Variants in SBK1 observed in about 807,000 individuals in gnomAD.
The protein encoded by SBK1 is SH3 domain binding kinase 1, also known as serine/threonine-protein kinase SBK1.
In SBK1, 11 loss-of-function variants were observed where a neutral mutation model predicts 24.4. The observed-to-expected ratio is 0.45, with a 90% confidence interval of 0.28 to 0.75. The LOEUF (loss-of-function observed/expected upper bound fraction) is 0.75, where lower values mean the gene tolerates loss of function less well. SBK1 is among the 30% of genes least tolerant of loss of function. The probability of loss-of-function intolerance (pLI) is 0.12; values close to 1 mark genes in which losing one functional copy is unlikely to be tolerated. For missense variants in SBK1, 467 were observed against 620.5 expected, an observed-to-expected ratio of 0.75 and a Z score of 2.63; for synonymous variants, 308 against 284.4, an observed-to-expected ratio of 1.08 and a Z score of -0.83.
chr16:28,299,979 A>G lies in SBK1; in HGVS notation c.-8+6679A>G, dbSNP rs73533447. On this transcript the variant is annotated intron_variant, in intron 1 of 3. Transcript: ENST00000341901. ...GGAGAGCCCGCCCACCACAATGCCT[A>G]TGTGCATGCAGCCTTCTCCATGGGC... 4.3e-3 allele frequency among the ~76,000 whole-genome samples: 656 copies of G among 152,294 alleles called. 3 individuals carry two copies. Among genetic ancestry groups the G allele is most frequent in the African/African-American group, 0.015 (635 of 41,564 alleles).
chr16:28,301,385 C>G (rs993234182), intron 1 of SBK1, among the ~76,000 whole-genome samples: 1 of 152,184 alleles, frequency 6.6e-6, no homozygotes, highest in African/African-American at 2.4e-5. Flanking sequence ...AAAGATGTGC[C>G]CCGAGAAGGG....
Position 28,259,573 on chromosome 16 carries a change from C to A in SBK1, c.257+71C>A. On this transcript the variant is annotated intron_variant, in intron 1 of 3. Transcript: ENST00000671413. This position sits in a 1 kb window ranked among gnomAD's most constrained non-coding sequence, Gnocchi z 6.0. Reference sequence around the variant, plus strand: ...GCGCTCGACCCAGGGTGCCTGTGGGCCTGGCAGTCTTGCTTCAAGTCAATC... The same window carrying A: ...GCGCTCGACCCAGGGTGCCTGTGGGACTGGCAGTCTTGCTTCAAGTCAATC... 1 of 341,690 alleles carries A rather than the reference C, an allele frequency of 2.9e-6. No homozygotes were observed. Among genetic ancestry groups the A allele is most frequent in the Non-Finnish European group, 4.1e-6 (1 of 241,526 alleles). 21.2% of individuals were successfully genotyped at this position (341,690 alleles called of 1,614,324 possible).
intron 1 of SBK1, among the ~76,000 whole-genome samples, chr16:28,304,183 T>C (rs988416623): frequency 4.6e-5 from 7 of 152,180 alleles, no homozygotes; most frequent in Admixed American, 3.9e-4. Context: ...CAGAGTTTGG[T>C]CAAATGAATG....
rs72791861 is a variant in SBK1, at chr16:28,317,994, G to A, written c.226+377G>A. Among the ~76,000 whole-genome samples the A allele has an allele frequency of 9.7e-3, 1,471 of 152,240 alleles. 14 individuals are homozygous for A. Among genetic ancestry groups the A allele is most frequent in the Non-Finnish European group, 0.014 (934 of 67,990 alleles). On this transcript the variant is annotated intron_variant, in intron 2 of 3. Coordinates refer to ENST00000341901, the MANE Select transcript of SBK1 (RefSeq NM_001024401.3). The surrounding 1 kb of genome is among the most constrained non-coding windows in gnomAD (Gnocchi z 4.2). ...CTGGCCCCAGGAAGGTGGATGGAGA[G>A]TGAGGGTGGTTCCTCAGGAACAGGG...
intron 1 of SBK1, among the ~76,000 whole-genome samples, chr16:28,277,238 G>A (rs993711963): frequency 6.6e-6 from 1 of 152,040 alleles, no homozygotes; most frequent in African/African-American, 2.4e-5. Flanking sequence ...ACTTAAAGAT[G>A]GTGAGAGAGG....
At chr16:28,299,966 C>T (rs1267982872) in intron 1 of SBK1, among the ~76,000 whole-genome samples, 1 of 152,244 alleles carries the variant, frequency 6.6e-6, no homozygotes, top group African/African-American at 2.4e-5. Flanking sequence ...AGAGCCCGCC[C>T]ACCACAATGC....
intron 1 of SBK1, among the ~76,000 whole-genome samples, chr16:28,294,048 C>T (rs2044621546): frequency 6.6e-6 from 1 of 152,112 alleles, no homozygotes; most frequent in African/African-American, 2.4e-5. Flanking sequence ...AAGTCTTTCC[C>T]TTCCCCTCCT....
intron 1 of SBK1, among the ~76,000 whole-genome samples, chr16:28,303,454 A>G (rs2044692971): frequency 6.6e-6 from 1 of 150,952 alleles, no homozygotes. Flanking sequence ...ACAAATGAGA[A>G]ACCTGTTCTT....
intron 1 of SBK1, among the ~76,000 whole-genome samples, chr16:28,280,149 A>ATGTGTGTGGGTGTGTGTGTGTGTGTG (rs2044523003): frequency 2.5e-5 from 1 of 39,414 alleles, no homozygotes; most frequent in Non-Finnish European, 5.4e-5. Context: ...ATATATATAT[A>ATGTGTGTGGGTGTGTGTGTGTGTGTG]TGTGTGTGTG....
Position 28,302,968 on chromosome 16 carries a change from G to T in SBK1, c.-8+9668G>T, listed in dbSNP as rs572701524. ...AAAAAATAGAGCAGGGCATGGGGGG[G>T]GGTCAGGAGTGCAGTAGGGCAATCC... On this transcript the variant is annotated intron_variant, in intron 1 of 3. Transcript: ENST00000341901. 2.5e-3 allele frequency among the ~76,000 whole-genome samples: 376 copies of T among 151,880 alleles called. 3 individuals carry two copies. Among genetic ancestry groups the T allele is most frequent in the Middle Eastern group, 6.8e-3 (2 of 294 alleles).
At chr16:28,272,168 C>G (rs1416999338) in intron 1 of SBK1, among the ~76,000 whole-genome samples, 1 of 152,184 alleles carries the variant, frequency 6.6e-6, no homozygotes, top group Non-Finnish European at 1.5e-5. Flanking sequence ...CTCCTGGGCT[C>G]AAGCAATCCT....
intron 1 of SBK1, among the ~76,000 whole-genome samples, chr16:28,275,791 C>G (rs936847833): frequency 6.6e-6 from 1 of 151,830 alleles, no homozygotes; most frequent in Non-Finnish European, 1.5e-5. Flanking sequence ...GTGGGAGGAT[C>G]GCTTAAGTCC....
At chr16:28,291,986 G>T (rs973727748), upstream of SBK1, 1 of 152,252 alleles carries the variant, frequency 6.6e-6, no homozygotes, top group African/African-American at 2.4e-5. Flanking sequence ...TGGATGGATG[G>T]ATGGACGGAC....
Position 28,321,087 on chromosome 16 carries a change from G to A in SBK1, c.*166G>A, listed in dbSNP as rs1461174776. 3.2e-6 allele frequency: 2 copies of A among 623,374 alleles called. No homozygotes were observed. The highest frequency in any genetic ancestry group is 4.7e-6 in the Non-Finnish European group (2 of 423,068). 38.6% of individuals were successfully genotyped at this position (623,374 alleles called of 1,614,324 possible). A position where few individuals can be genotyped will look rare whatever the true frequency, so the allele number is the denominator to read the frequency against. ...GGTCCGTCCCCGGCGGGCTGGTGAGGGGGCCACCAAAGACCCCTAGCGCGG... is the reference window on the plus strand; with the variant it reads ...GGTCCGTCCCCGGCGGGCTGGTGAGAGGGCCACCAAAGACCCCTAGCGCGG... On this transcript the variant is annotated 3_prime_UTR_variant, in exon 4 of 4. Transcript: ENST00000341901.
At position 28,317,649 on chromosome 16, in the gene SBK1, G is replaced by T. The variant is rs753052299; in HGVS notation, c.226+32G>T. The T allele has an allele frequency of 2.5e-5, 30 of 1,190,640 alleles. 1 individual carries two copies. The highest frequency in any genetic ancestry group is 7.2e-5 in the South Asian group (6 of 82,842). 73.8% of individuals were successfully genotyped at this position (1,190,640 alleles called of 1,614,324 possible). A position where few individuals can be genotyped will look rare whatever the true frequency, so the allele number is the denominator to read the frequency against. Reference sequence around the variant, plus strand: ...AAGTGCAGGGTGGCAGGGCTGAGAGGTTGGGGTGGGGCAGGGCTGGGAGGT... The same window carrying T: ...AAGTGCAGGGTGGCAGGGCTGAGAGTTTGGGGTGGGGCAGGGCTGGGAGGT... On this transcript the variant is annotated intron_variant, in intron 2 of 3. Transcript: ENST00000341901. This position sits in a 1 kb window ranked among gnomAD's most constrained non-coding sequence, Gnocchi z 4.2.
At chr16:28,310,116 G>A (rs1019961368) in intron 1 of SBK1, among the ~76,000 whole-genome samples, 1 of 152,204 alleles carries the variant, frequency 6.6e-6, no homozygotes, top group African/African-American at 2.4e-5. Context: ...TGAAGTCGAG[G>A]GGGACCCCCA....
intron 1 of SBK1, among the ~76,000 whole-genome samples, chr16:28,274,237 C>T: frequency 6.6e-6 from 1 of 152,176 alleles, no homozygotes; most frequent in East Asian, 1.9e-4. Context: ...ATGTATCAAT[C>T]TTGGTTCATC....
intron 1 of SBK1, among the ~76,000 whole-genome samples, chr16:28,294,403 C>T (rs2044624381): frequency 6.6e-6 from 1 of 152,202 alleles, no homozygotes; most frequent in African/African-American, 2.4e-5. Flanking sequence ...CAAACTGAGG[C>T]TCGGGAAGGC....
At position 28,317,084 on chromosome 16, in the gene SBK1, T is replaced by C. The variant is rs2044801877; in HGVS notation, c.-7-301T>C. ...TGAACTCGGTATCTGGCTGTGTCTG[T>C]GTGACATAAACAGGGGCCTTGCCTG... On this transcript the variant is annotated intron_variant, in intron 1 of 3. Transcript: ENST00000341901. The surrounding 1 kb of genome is among the most constrained non-coding windows in gnomAD (Gnocchi z 4.2). 6.6e-6 allele frequency among the ~76,000 whole-genome samples: 1 copy of C among 152,178 alleles called. No individual in the cohort carries two copies. The highest frequency in any genetic ancestry group is 1.5e-5 in the Non-Finnish European group (1 of 68,028).
Sources: allele counts gnomAD v4.1 joint callset (sites outside exome capture counted in the v4.1 genomes callset), GRCh38; gene constraint gnomAD v4.1.1; non-coding constraint Gnocchi (gnomAD v3.1); transcripts MANE v1.5; gene names NCBI Gene and HGNC (gene_info 2026-07-23, HGNC 2026-07-21).